APBB2: variants seen among roughly 807,000 people sequenced by gnomAD.
The protein encoded by APBB2 is Fe65-like 1.
Under a neutral mutation model 82.5 loss-of-function variants are expected in APBB2, and 38 were observed. That is an observed-to-expected ratio of 0.46 (90% CI 0.36 to 0.60). APBB2 has a LOEUF of 0.60. Among genes scored for constraint, APBB2 ranks in the 20% least tolerant of loss-of-function variants. The pLI, the probability that APBB2 is intolerant of heterozygous loss-of-function variation, is 0.00. For synonymous variants in APBB2, 341 were observed against 368.2 expected, an observed-to-expected ratio of 0.93 and a Z score of 0.85; for missense variants, 772 against 972.3, an observed-to-expected ratio of 0.79 and a Z score of 2.74.
chr4:41,104,077 T>C (rs1046505261), intron 2 of APBB2, among the ~76,000 whole-genome samples: 2 of 152,202 alleles, frequency 1.3e-5, no homozygotes, highest in African/African-American at 4.8e-5. Flanking sequence ...TCATTCTGAA[T>C]AAAGAAATTG....
chr4:40,987,942 A>G (rs1403464446), intron 6 of APBB2, among the ~76,000 whole-genome samples: 1 of 152,214 alleles, frequency 6.6e-6, no homozygotes, highest in Non-Finnish European at 1.5e-5. Context: ...CCATATTAAA[A>G]TGAGATTTTT....
chr4:40,955,847 C>T (rs886454384), intron 6 of APBB2, among the ~76,000 whole-genome samples: 1 of 152,054 alleles, frequency 6.6e-6, no homozygotes, highest in Non-Finnish European at 1.5e-5. Context: ...ATGATCTCGG[C>T]TCAATGCAAC....
At chr4:40,855,532 C>T (rs1338685699) in intron 12 of APBB2, among the ~76,000 whole-genome samples, 1 of 151,972 alleles carries the variant, frequency 6.6e-6, no homozygotes, top group Non-Finnish European at 1.5e-5. Context: ...GTCAGCAGTT[C>T]GAGACCAGCC....
At chr4:41,122,737 T>C (rs1157546798) in intron 2 of APBB2, among the ~76,000 whole-genome samples, 1 of 152,212 alleles carries the variant, frequency 6.6e-6, no homozygotes. Context: ...TATCTTGTAA[T>C]TTCAGTGATT....
intron 6 of APBB2, among the ~76,000 whole-genome samples, chr4:41,008,104 CTA>C (rs1311544075): frequency 6.6e-6 from 1 of 152,202 alleles, no homozygotes; most frequent in Non-Finnish European, 1.5e-5. Context: ...CAAGATACTA[CTA>C]TATGCCTCCA....
At chr4:40,894,415 T>C (rs947510396) in intron 10 of APBB2, among the ~76,000 whole-genome samples, 42 of 152,126 alleles carry the variant, frequency 2.8e-4, no homozygotes, top group Non-Finnish European at 4.3e-4. Flanking sequence ...CCCTGTGAAA[T>C]CTGTTATTTG....
chr4:40,878,415 C>T (rs1767475367), intron 12 of APBB2, among the ~76,000 whole-genome samples: 1 of 152,046 alleles, frequency 6.6e-6, no homozygotes, highest in African/African-American at 2.4e-5. Flanking sequence ...TTATCTAATG[C>T]ACTGCCCGCA....
At chr4:40,822,220 G>T in intron 16 of APBB2, 170 bp from the exon 17 acceptor site, 2 of 679,678 alleles carry the variant, frequency 2.9e-6, no homozygotes, top group Non-Finnish European at 2.5e-6. Flanking sequence ...GGCCATCACT[G>T]CATGGCTACC....
intron 4 of APBB2, among the ~76,000 whole-genome samples, chr4:41,039,161 C>T (rs977026834): frequency 1.3e-5 from 2 of 152,190 alleles, no homozygotes; most frequent in Non-Finnish European, 2.9e-5. Context: ...TATTTAACTA[C>T]ATGAATATTT....
At chr4:40,915,479 G>T (rs1248095434) in intron 10 of APBB2, among the ~76,000 whole-genome samples, 4 of 152,136 alleles carry the variant, frequency 2.6e-5, no homozygotes, top group African/African-American at 7.2e-5. Flanking sequence ...ATGTATATCT[G>T]CGAAGTTGGC....
intron 3 of APBB2, among the ~76,000 whole-genome samples, chr4:41,100,252 C>A (rs1308997487): frequency 6.6e-6 from 1 of 152,116 alleles, no homozygotes; most frequent in African/African-American, 2.4e-5. Context: ...AATTCAGAAC[C>A]AAAAAGCCTA....
At chr4:41,040,949 C>T (rs906603610) in intron 4 of APBB2, among the ~76,000 whole-genome samples, 5 of 152,210 alleles carry the variant, frequency 3.3e-5, no homozygotes, top group East Asian at 1.9e-4. Flanking sequence ...GTCGCAATCT[C>T]GGCTCACTGC....
chr4:41,150,708 T>A (rs928566843), intron 1 of APBB2, among the ~76,000 whole-genome samples: 1 of 152,168 alleles, frequency 6.6e-6, no homozygotes, highest in Admixed American at 6.5e-5. Context: ...CCTGAAAGAA[T>A]CTCTACAACA....
intron 5 of APBB2, among the ~76,000 whole-genome samples, chr4:41,026,322 C>T (rs1454237311): frequency 6.6e-6 from 1 of 152,144 alleles, no homozygotes; most frequent in African/African-American, 2.4e-5. Context: ...ACATGTACCC[C>T]TGAACCTAAA....
At chr4:40,893,472 A>C in intron 10 of APBB2, 61 bp from the exon 11 acceptor site, 1 of 1,483,128 alleles carries the variant, frequency 6.7e-7, no homozygotes, top group South Asian at 1.4e-5. Flanking sequence ...ATATCAGTTT[A>C]CACTACTCCC....
intron 5 of APBB2, among the ~76,000 whole-genome samples, chr4:41,027,699 G>T (rs62412142): frequency 0.046 from 6,960 of 152,070 alleles, 339 homozygotes; most frequent in African/African-American, 0.12. Context: ...CATTAAATAT[G>T]TACCAAGAGC....
chr4:41,026,366 C>T (rs759202626), intron 5 of APBB2, among the ~76,000 whole-genome samples: 4 of 152,108 alleles, frequency 2.6e-5, no homozygotes, highest in Admixed American at 6.6e-5. Flanking sequence ...AATTTATATA[C>T]CATATTTTAA....
At chr4:40,835,821 C>T (rs1013047373) in intron 12 of APBB2, among the ~76,000 whole-genome samples, 3 of 152,110 alleles carry the variant, frequency 2.0e-5, no homozygotes, top group Non-Finnish European at 2.9e-5. Context: ...TCAGCATCTG[C>T]GAGAACAGGG....
Position 40,835,597 on chromosome 4 carries a change from C to T in APBB2, c.1530-5020G>A, listed in dbSNP as rs116798431. 5.5e-3 allele frequency among the ~76,000 whole-genome samples: 835 copies of T among 152,318 alleles called. 11 individuals carry two copies. Among genetic ancestry groups the T allele is most frequent in the African/African-American group, 0.019 (785 of 41,560 alleles). On this transcript the variant is annotated intron_variant, in intron 12 of 17. Coordinates refer to ENST00000508593, the MANE Select transcript of APBB2 (RefSeq NM_004307.2). The stretch of plus-strand genomic sequence containing the variant: ...AGGCACTGTGGTGAGGCTCAGGTGC[C>T]GCTGCAGGGGTGCTGTGCGGGAGTC...
Sources: allele counts gnomAD v4.1 joint callset (sites outside exome capture counted in the v4.1 genomes callset), GRCh38; gene constraint gnomAD v4.1.1; transcripts MANE v1.5; gene names NCBI Gene and HGNC (gene_info 2026-07-23, HGNC 2026-07-21).